The following DLGAP2 variants were observed in gnomAD, a reference collection of about 807,000 sequenced individuals.
The protein encoded by DLGAP2 is DLG associated protein 2.
Under a neutral mutation model 100.3 loss-of-function variants are expected in DLGAP2, and 26 were observed. The observed-to-expected ratio is 0.26, with a 90% CI of 0.19 to 0.36. The LOEUF is 0.36. Among genes scored for constraint, DLGAP2 ranks in the 10% least tolerant of loss-of-function variants. The pLI is 1.00. For synonymous variants in DLGAP2, 886 were observed against 630.1 expected, an observed-to-expected ratio of 1.41 and a Z score of -6.08; for missense variants, 1,858 against 1,453.2, an observed-to-expected ratio of 1.28 and a Z score of -4.53.
chr8:1,683,268 G>T (rs1470773163), intron 12 of DLGAP2, among the ~76,000 whole-genome samples: 1 of 151,650 alleles, frequency 6.6e-6, no homozygotes, highest in African/African-American at 2.4e-5. Context: ...TTGACACGCG[G>T]TTGGATTTGG....
intron 4 of DLGAP2, among the ~76,000 whole-genome samples, chr8:1,506,558 G>A (rs1799925198): frequency 1.3e-5 from 2 of 152,302 alleles, no homozygotes; most frequent in Non-Finnish European, 2.9e-5. Context: ...AAGATTTAGT[G>A]CATACAGCGT....
chr8:1,566,299 G>A (rs1479953438), intron 6 of DLGAP2, among the ~76,000 whole-genome samples: 1 of 152,152 alleles, frequency 6.6e-6, no homozygotes, highest in Non-Finnish European at 1.5e-5. Context: ...CTTTGTAAGT[G>A]CATTTCTAGG....
chr8:749,324 T>G (rs1486201009), intron 1 of DLGAP2, among the ~76,000 whole-genome samples: 1 of 152,242 alleles, frequency 6.6e-6, no homozygotes, highest in East Asian at 1.9e-4. Flanking sequence ...TTTTATCTGC[T>G]AAGTATTTAG....
chr8:745,831 C>T (rs752001299), intron 1 of DLGAP2, among the ~76,000 whole-genome samples: 12 of 152,232 alleles, frequency 7.9e-5, no homozygotes, highest in Non-Finnish European at 1.5e-4. Flanking sequence ...TGAATACTTT[C>T]ATCCCATTTC....
chr8:842,069 A>G (rs1241709612), intron 1 of DLGAP2, among the ~76,000 whole-genome samples: 1 of 152,070 alleles, frequency 6.6e-6, no homozygotes, highest in African/African-American at 2.4e-5. Context: ...ATGCCATAAT[A>G]TATTGGCATT....
At chr8:777,198 G>C (rs1216153419) in intron 1 of DLGAP2, among the ~76,000 whole-genome samples, 2 of 151,676 alleles carry the variant, frequency 1.3e-5, no homozygotes, top group Non-Finnish European at 2.9e-5. Flanking sequence ...TTTTCCATTT[G>C]CTTGGTAGAT....
chr8:1,001,187 A>G (rs1292348144), intron 2 of DLGAP2, among the ~76,000 whole-genome samples: 1 of 152,104 alleles, frequency 6.6e-6, no homozygotes, highest in East Asian at 1.9e-4. Context: ...ATGTTTTTGG[A>G]GGAGACTGGA....
chr8:1,202,232 T>C (rs1797893302), intron 2 of DLGAP2, among the ~76,000 whole-genome samples: 1 of 130,506 alleles, frequency 7.7e-6, no homozygotes. Context: ...ATTCTGTATG[T>C]ATAGATGCAG....
intron 3 of DLGAP2, among the ~76,000 whole-genome samples, chr8:1,421,035 G>C (rs1198444484): frequency 1.3e-5 from 2 of 152,156 alleles, no homozygotes; most frequent in African/African-American, 2.4e-5. Context: ...TTGTGTTATA[G>C]ACTTCCCAAC....
intron 2 of DLGAP2, among the ~76,000 whole-genome samples, chr8:1,061,521 C>G (rs1344422748): frequency 6.6e-6 from 1 of 152,134 alleles, no homozygotes; most frequent in Non-Finnish European, 1.5e-5. Context: ...GCATCCCCCC[C>G]TCCAGCCATG....
chr8:972,174 G>A (rs1348543103), intron 2 of DLGAP2, among the ~76,000 whole-genome samples: 1 of 152,142 alleles, frequency 6.6e-6, no homozygotes, highest in African/African-American at 2.4e-5. Flanking sequence ...ACTCCTAGAT[G>A]GACAGACATA....
chr8:1,422,653 G>T (rs745968981), intron 3 of DLGAP2, among the ~76,000 whole-genome samples: 1 of 152,016 alleles, frequency 6.6e-6, no homozygotes, highest in Non-Finnish European at 1.5e-5. Context: ...TGGAGGGCAC[G>T]GCTGGTGTGT....
intron 6 of DLGAP2, among the ~76,000 whole-genome samples, chr8:1,599,911 A>G (rs530829293): frequency 2.0e-5 from 3 of 152,286 alleles, no homozygotes; most frequent in South Asian, 2.1e-4. Context: ...TGATCCTGTC[A>G]TTATGATGCT....
At chr8:1,122,595 C>A (rs990618271) in intron 2 of DLGAP2, among the ~76,000 whole-genome samples, 1 of 152,136 alleles carries the variant, frequency 6.6e-6, no homozygotes, top group Non-Finnish European at 1.5e-5. Flanking sequence ...ATTTTTCCTG[C>A]TTACTATGTG....
intron 2 of DLGAP2, among the ~76,000 whole-genome samples, chr8:1,127,766 A>G (rs1796201363): frequency 6.6e-6 from 1 of 152,138 alleles, no homozygotes. Context: ...ACGGTTAACT[A>G]CGCCCGTTCT....
At chr8:821,727 AATC>A (rs1307852606) in intron 1 of DLGAP2, among the ~76,000 whole-genome samples, 1 of 152,210 alleles carries the variant, frequency 6.6e-6, no homozygotes, top group African/African-American at 2.4e-5. Context: ...TTATATAAGG[AATC>A]ATCATAATTG....
intron 2 of DLGAP2, among the ~76,000 whole-genome samples, chr8:1,201,856 C>T (rs6987953): frequency 0.2 from 29,831 of 151,946 alleles, 5,697 homozygotes; most frequent in African/African-American, 0.5. Context: ...TGTATGTGTA[C>T]GGTATCTATC....
chr8:1,321,957 T>C (rs1800911545), intron 3 of DLGAP2, among the ~76,000 whole-genome samples: 1 of 152,242 alleles, frequency 6.6e-6, no homozygotes, highest in South Asian at 2.1e-4. Flanking sequence ...TTTTATGTTG[T>C]GGTTTAAAAT....
intron 4 of DLGAP2, among the ~76,000 whole-genome samples, chr8:1,519,772 G>T (rs73672784): frequency 0.02 from 3,119 of 152,390 alleles, 97 homozygotes; most frequent in African/African-American, 0.066. Context: ...CAGCATCCTG[G>T]GGACCTGGCC....
Sources: gnomAD v4.1 joint callset for allele counts (sites outside exome capture counted in the v4.1 genomes callset) on GRCh38, gnomAD v4.1.1 for gene constraint, MANE v1.5 for transcripts, NCBI Gene and HGNC (gene_info 2026-07-23, HGNC 2026-07-21) for gene names.